Variants in WDFY4 observed in about 807,000 individuals in gnomAD.
The protein encoded by WDFY4 is WDFY family member 4, also known as WD repeat- and FYVE domain-containing protein 4.
WDFY4 carries 169 observed loss-of-function variants against 351.9 expected under a neutral mutation model. The observed-to-expected ratio is 0.48, with a 90% CI of 0.42 to 0.55. WDFY4 has a LOEUF of 0.55. Among genes scored for constraint, WDFY4 ranks in the 20% least tolerant of loss-of-function variants. The probability of loss-of-function intolerance (pLI) is 0.00; values close to 1 mark genes in which losing one functional copy is unlikely to be tolerated. For synonymous variants in WDFY4, 1,622 were observed against 1,574.6 expected, an observed-to-expected ratio of 1.03 and a Z score of -0.71; for missense variants, 3,803 against 3,935.6, an observed-to-expected ratio of 0.97 and a Z score of 0.90.
At chr10:48,772,801 G>T (rs1301252974) in intron 13 of WDFY4, among the ~76,000 whole-genome samples, 1 of 150,164 alleles carries the variant, frequency 6.7e-6, no homozygotes, top group Non-Finnish European at 1.5e-5. Flanking sequence ...GCGGTGTTTG[G>T]TTTTTTGTTC....
At chr10:48,908,528 G>A (rs12769105) in intron 47 of WDFY4, among the ~76,000 whole-genome samples, 19,645 of 152,096 alleles carry the variant, frequency 0.13, 1,412 homozygotes, top group Middle Eastern at 0.22. Context: ...AGGCTGACTC[G>A]GTGTTTTAGA....
At chr10:48,742,411 G>C (rs2064880221) in intron 11 of WDFY4, among the ~76,000 whole-genome samples, 1 of 152,246 alleles carries the variant, frequency 6.6e-6, no homozygotes, top group Non-Finnish European at 1.5e-5. Context: ...CTTGCACAGA[G>C]AGGGAGATAA....
intron 1 of WDFY4, among the ~76,000 whole-genome samples, chr10:48,702,786 C>T (rs2063516454): frequency 6.8e-6 from 1 of 147,118 alleles, no homozygotes; most frequent in African/African-American, 2.4e-5. Flanking sequence ...GTATGTTTAA[C>T]TTTCCCCGAA....
Position 48,778,663 on chromosome 10 carries a change from C to T in WDFY4, c.3228C>T (p.Phe1076=). The T allele has an allele frequency of 6.4e-7, 1 of 1,551,628 alleles. No individual in the cohort carries two copies. Among genetic ancestry groups the T allele is most frequent in the Non-Finnish European group, 8.7e-7 (1 of 1,147,022 alleles). ...PPGGLTFSCW[F]LISRHGAATE... ...GAGGTCTGACCTTCTCCTGCTGGTTCCTGATCAGCCGGCATGGAGCTGCCA... is the reference window on the plus strand; with the variant it reads ...GAGGTCTGACCTTCTCCTGCTGGTTTCTGATCAGCCGGCATGGAGCTGCCA... Residue 1076 remains phenylalanine (F), a synonymous_variant, in exon 18 of 62, where the codon TTC becomes TTT. Transcript: ENST00000325239.
intron 47 of WDFY4, among the ~76,000 whole-genome samples, chr10:48,911,262 T>C (rs1837975552): frequency 6.6e-6 from 1 of 151,972 alleles, no homozygotes; most frequent in Non-Finnish European, 1.5e-5. Context: ...AAGAGAAAAA[T>C]GTGAAGGACA....
chr10:48,959,441 A>G (rs1467867880), intron 52 of WDFY4, among the ~76,000 whole-genome samples: 3 of 152,176 alleles, frequency 2.0e-5, no homozygotes, highest in African/African-American at 7.2e-5. Flanking sequence ...AGGAAGATAT[A>G]CCACACTGAT....
In WDFY4 at chr10:48,970,872, G is replaced by T. The variant is rs146129972; in HGVS notation, c.8928+583G>T. 3.1e-3 allele frequency among the ~76,000 whole-genome samples: 469 copies of T among 152,334 alleles called. 3 individuals carry two copies. The highest frequency in any genetic ancestry group is 0.017 in the Middle Eastern group (5 of 294). On this transcript the variant is annotated intron_variant, in intron 57 of 61. Transcript: ENST00000325239. ...TGGGAGGAGGAGGAGCCATGAGCCA[G>T]GAGTCTGAGGATGTGCACCACCAGC...
chr10:48,919,425 A>G (rs1838854455), intron 47 of WDFY4, among the ~76,000 whole-genome samples: 1 of 152,248 alleles, frequency 6.6e-6, no homozygotes, highest in Non-Finnish European at 1.5e-5. Flanking sequence ...CCCAAAGCCC[A>G]GTAGTCTTAT....
chr10:48,801,286 G>A (rs140473891), intron 24 of WDFY4, among the ~76,000 whole-genome samples: 137 of 152,312 alleles, frequency 9.0e-4, no homozygotes, highest in African/African-American at 3.2e-3. Flanking sequence ...CCTCAAATGG[G>A]TGTGGCAACT....
At chr10:48,696,955 G>T (rs1045731015) in intron 1 of WDFY4, among the ~76,000 whole-genome samples, 1 of 152,250 alleles carries the variant, frequency 6.6e-6, no homozygotes, top group South Asian at 2.1e-4. Flanking sequence ...TACAGGTTAG[G>T]AAGAGATGGA....
In WDFY4 at chr10:48,776,989, G is replaced by T; in HGVS notation, c.3098+5G>T. 6.5e-7 allele frequency: 1 copy of T among 1,547,000 alleles called. No homozygotes were observed. Among genetic ancestry groups the T allele is most frequent in the South Asian group, 1.2e-5 (1 of 83,180 alleles). ...CATGTCCGTGGAAGGTTATGGGTAT[G>T]ACAGGCTTTCACATATTTAAAATGC... On this transcript the variant is annotated splice_donor_5th_base_variant and intron_variant, in intron 16 of 61. Coordinates refer to ENST00000325239, the MANE Select transcript of WDFY4 (RefSeq NM_001394531.1).
At chr10:48,913,786 G>A (rs755492919) in intron 47 of WDFY4, 36 of 1,614,092 alleles carry the variant, frequency 2.2e-5, no homozygotes, top group Admixed American at 3.3e-5. Context: ...TTCACAGCGC[G>A]GATGTTCTTG....
At position 48,787,891 on chromosome 10, in the gene WDFY4, CTCCTTCTTCTTCTTCTT is replaced by C. The variant is rs1565198368; in HGVS notation, c.3809-638_3809-622del. The stretch of plus-strand genomic sequence containing the variant: ...TCTTTCTTCTTTCTTTCTTCTTCTT[CTCCTTCTTCTTCTTCTT>C]CTTCTTCTTCTTCTTCTTCTTCTTC... On this transcript the variant is annotated intron_variant, in intron 20 of 61. Transcript: ENST00000325239. 3.0e-3 allele frequency among the ~76,000 whole-genome samples: 198 copies of C among 66,778 alleles called. 21 individuals carry two copies. The highest frequency in any genetic ancestry group is 0.018 in the African/African-American group (185 of 10,032). The allele number at this position is 66,778 out of a possible 152,430, so 43.8% of individuals were successfully genotyped here. A position where few individuals can be genotyped will look rare whatever the true frequency, so the allele number is the denominator to read the frequency against.
intron 24 of WDFY4, among the ~76,000 whole-genome samples, chr10:48,801,130 T>C (rs531357657): frequency 1.3e-5 from 2 of 152,356 alleles, no homozygotes; most frequent in South Asian, 4.1e-4. Context: ...ATACAGTCCA[T>C]ACTCAAACAA....
intron 56 of WDFY4, 123 bp downstream of exon 56, chr10:48,969,371 C>T: frequency 1.6e-6 from 2 of 1,234,722 alleles, no homozygotes; most frequent in Non-Finnish European, 2.2e-6. Flanking sequence ...ACAAGGTGTG[C>T]TGCCAGCCTG....
chr10:48,875,590 A>G (rs2069966257), intron 42 of WDFY4, among the ~76,000 whole-genome samples: 1 of 152,064 alleles, frequency 6.6e-6, no homozygotes, highest in Non-Finnish European at 1.5e-5. Context: ...AATGTTTGTA[A>G]TTTTTGTAGA....
rs1381471505 is a variant in WDFY4 at position 48,982,564 on chromosome 10, G to A, written c.9544G>A (p.Ala3182Thr). The A allele has an allele frequency of 6.5e-7, 1 of 1,548,276 alleles. No individual in the cohort carries two copies. The highest frequency in any genetic ancestry group is 1.4e-5 in the African/African-American group (1 of 72,936). Residue 3182 changes from alanine (A) to threonine (T), a missense_variant, in exon 62 of 62, where the codon GCA (alanine) becomes ACA (threonine). Coordinates refer to ENST00000325239, the MANE Select transcript of WDFY4 (RefSeq NM_001394531.1). ...DERGRIFCWS[A>T]DG Reference sequence around the variant, plus strand: ...GAGGGGGAGAATATTCTGCTGGTCTGCAGATGGGTAGGAAGAGAGAGGCAG... The same window carrying A: ...GAGGGGGAGAATATTCTGCTGGTCTACAGATGGGTAGGAAGAGAGAGGCAG...
chr10:48,846,954 G>A (rs913291923), intron 39 of WDFY4, among the ~76,000 whole-genome samples: 3 of 152,350 alleles, frequency 2.0e-5, no homozygotes, highest in South Asian at 4.1e-4. Context: ...GTTGTGATCT[G>A]TCTTTGAAAT....
chr10:48,735,553 T>G (rs1235821554), intron 10 of WDFY4, among the ~76,000 whole-genome samples: 1 of 152,178 alleles, frequency 6.6e-6, no homozygotes, highest in Admixed American at 6.5e-5. Flanking sequence ...GTCACCATGT[T>G]GTACAATAGA....
Sources: allele counts gnomAD v4.1 joint callset (sites outside exome capture counted in the v4.1 genomes callset), GRCh38; gene constraint gnomAD v4.1.1; transcripts MANE v1.5; gene names NCBI Gene and HGNC (gene_info 2026-07-23, HGNC 2026-07-21).